Variants in KLHL5 observed in about 807,000 individuals in gnomAD.
The protein encoded by KLHL5 is kelch like family member 5, also known as kelch-like protein 5.
A neutral mutation model predicts 77.7 loss-of-function variants in KLHL5; 48 were observed. That is an observed-to-expected ratio of 0.62 (90% CI 0.49 to 0.79). The LOEUF (loss-of-function observed/expected upper bound fraction) is 0.79, where lower values mean the gene tolerates loss of function less well. Ranked by LOEUF, KLHL5 falls within the 30% of genes least tolerant of loss-of-function variation. The pLI is 0.00. For synonymous variants in KLHL5, 260 were observed against 297.0 expected (o/e 0.88, Z 1.28); for missense variants, 723 against 859.7 (o/e 0.84, Z 1.99).
At chr4:39,098,022 T>C (rs1721221626) in intron 6 of KLHL5, among the ~76,000 whole-genome samples, 1 of 149,546 alleles carries the variant, frequency 6.7e-6, no homozygotes. Flanking sequence ...TAGTCCCAGC[T>C]ACACGTGGGA....
chr4:39,101,397 GTAAT>G (rs1245918048), intron 6 of KLHL5, among the ~76,000 whole-genome samples: 1 of 151,786 alleles, frequency 6.6e-6, no homozygotes, highest in Non-Finnish European at 1.5e-5. Flanking sequence ...CAAATTTAGA[GTAAT>G]TAAATATACT....
At chr4:39,110,545 A>G (rs1214121964) in intron 8 of KLHL5, among the ~76,000 whole-genome samples, 2 of 151,940 alleles carry the variant, frequency 1.3e-5, no homozygotes, top group South Asian at 4.2e-4. Context: ...TGCAGCCTCA[A>G]CCTCCCTCCC....
chr4:39,066,429 G>C (rs1717898154), intron 1 of KLHL5, among the ~76,000 whole-genome samples: 1 of 152,140 alleles, frequency 6.6e-6, no homozygotes, highest in Non-Finnish European at 1.5e-5. Context: ...TATAAAGTTA[G>C]AGTTTAATAT....
At position 39,125,844 on chromosome 4, in the gene KLHL5, A is replaced by T. The variant is rs1321709018; in HGVS notation, c.*4778A>T. Among the ~76,000 whole-genome samples the T allele has an allele frequency of 6.6e-6, 1 of 152,202 alleles. No homozygotes were observed. Among genetic ancestry groups the T allele is most frequent in the African/African-American group, 2.4e-5 (1 of 41,434 alleles). ...TCACATACACTTTACCATAATTTTT[A>T]AAAAGCTTTATTAGCTACATTATGT... On this transcript the variant is annotated 3_prime_UTR_variant, in exon 11 of 11. Coordinates refer to ENST00000504108, the MANE Select transcript of KLHL5 (RefSeq NM_015990.5).
rs1721746777 is a variant in KLHL5, at chr4:39,103,205, A to G, written c.1301-82A>G. 8.3e-6 allele frequency: 8 copies of G among 966,480 alleles called. No individual in the cohort carries two copies. In the Admixed American group the frequency reaches 2.1e-4, roughly 25 times the overall value. The allele number at this position is 966,480 out of a possible 1,614,324, so 59.9% of individuals were successfully genotyped here. A position where few individuals can be genotyped will look rare whatever the true frequency, so the allele number is the denominator to read the frequency against. ...TATTATTCTCAATGCTAATAAGATT[A>G]TATTTTTGTATCTGTAATTTCATAA... On this transcript the variant is annotated intron_variant, in intron 6 of 10. Transcript: ENST00000504108.
chr4:39,113,007 A>G lies in KLHL5; in HGVS notation c.1689-13A>G, dbSNP rs748286549. 6 of 1,608,914 alleles carry G rather than the reference A, an allele frequency of 3.7e-6. No homozygotes were observed. In the South Asian group the frequency reaches 4.4e-5, roughly 12 times the overall value. ...ACATGTCTTATTTATCATTTCATAT[A>G]TTCTTTTTGCAGACTTTATGCAGTT... On this transcript the variant is annotated splice_polypyrimidine_tract_variant and intron_variant, in intron 8 of 10. Coordinates refer to ENST00000504108, the MANE Select transcript of KLHL5 (RefSeq NM_015990.5).
chr4:39,104,252 G>A (rs962309761), intron 7 of KLHL5, among the ~76,000 whole-genome samples: 1 of 152,060 alleles, frequency 6.6e-6, no homozygotes, highest in Non-Finnish European at 1.5e-5. Flanking sequence ...AGAGGGTTAA[G>A]GCAAAGACAC....
In KLHL5 at chr4:39,084,122, C is replaced by T. The variant is rs545448169; in HGVS notation, c.900+1963C>T. Among the ~76,000 whole-genome samples, 118 of 152,272 alleles carry T rather than the reference C, an allele frequency of 7.7e-4. 1 individual carries two copies. The highest frequency in any genetic ancestry group is 2.8e-3 in the African/African-American group (115 of 41,566). On this transcript the variant is annotated intron_variant, in intron 4 of 10. Coordinates refer to ENST00000504108, the MANE Select transcript of KLHL5 (RefSeq NM_015990.5). Reference sequence around the variant, plus strand: ...TTCCAAAGGGGGAAAGGTCACAATGCTAGCAAGCGTTTGGTAACATGATAG... The same window carrying T: ...TTCCAAAGGGGGAAAGGTCACAATGTTAGCAAGCGTTTGGTAACATGATAG...
Position 39,103,404 on chromosome 4 carries a change from T to C in KLHL5, c.1418T>C (p.Val473Ala), listed in dbSNP as rs1445273478. 6.2e-7 allele frequency: 1 copy of C among 1,614,046 alleles called. No homozygotes were observed. The highest frequency in any genetic ancestry group is 8.5e-7 in the Non-Finnish European group (1 of 1,179,984). Reference protein sequence around the residue: ...VAVLDDKLYVVGGRDGLKTLN... With the variant: ...VAVLDDKLYVAGGRDGLKTLN... ...GTGCTAGATGACAAACTGTATGTGG[T>C]TGGAGGAAGAGATGGACTGAAGACT... Residue 473 changes from valine to alanine, a missense_variant, in exon 7 of 11, where the codon GTT (valine) becomes GCT (alanine). This residue lies in a region of KLHL5 where 288 missense variants were observed against 400.3 expected (regional missense o/e 0.72). Coordinates refer to ENST00000504108, the MANE Select transcript of KLHL5 (RefSeq NM_015990.5).
At chr4:39,052,882 G>C (rs1716758933) in intron 1 of KLHL5, among the ~76,000 whole-genome samples, 1 of 152,198 alleles carries the variant, frequency 6.6e-6, no homozygotes, top group Non-Finnish European at 1.5e-5. Context: ...GGACTACTCT[G>C]AAGTGCCTCC....
chr4:39,062,158 A>G (rs1333032835), upstream of KLHL5: 1 of 749,516 alleles, frequency 1.3e-6, no homozygotes, highest in Non-Finnish European at 1.6e-6. Flanking sequence ...TTAAGTACAA[A>G]GGGAAATGCT....
chr4:39,066,919 AT>A (rs1032515448), intron 1 of KLHL5, among the ~76,000 whole-genome samples: 4 of 152,250 alleles, frequency 2.6e-5, no homozygotes, highest in Admixed American at 6.5e-5. Context: ...AAGAAACTTT[AT>A]TTTTTTAGAA....
intron 7 of KLHL5, among the ~76,000 whole-genome samples, chr4:39,107,022 G>A (rs550749652): frequency 1.3e-5 from 2 of 150,322 alleles, no homozygotes; most frequent in African/African-American, 2.4e-5. Context: ...TTGAGCCACC[G>A]TTCCCAGCCT....
intron 5 of KLHL5, among the ~76,000 whole-genome samples, chr4:39,089,774 T>G (rs1462308387): frequency 6.6e-6 from 1 of 152,190 alleles, no homozygotes; most frequent in South Asian, 2.1e-4. Context: ...CCACACCTAC[T>G]GAATATGAAA....
chr4:39,072,618 A>G (rs1718587489), intron 1 of KLHL5, among the ~76,000 whole-genome samples: 1 of 152,214 alleles, frequency 6.6e-6, no homozygotes, highest in Non-Finnish European at 1.5e-5. Context: ...TTAAATTAAA[A>G]TAGCCTCATG....
At chr4:39,137,411 A>G in the KLHL5 span, among the ~76,000 whole-genome samples, 12 of 151,942 alleles carry the variant, frequency 7.9e-5, no homozygotes, top group African/African-American at 2.7e-4. Context: ...ACTTGAGCCC[A>G]GGAGTTTGAG....
rs904689083 is a variant in KLHL5 at position 39,124,141 on chromosome 4, G to A, written c.*3075G>A. Among the ~76,000 whole-genome samples, 4 of 152,204 alleles carry A rather than the reference G, an allele frequency of 2.6e-5. No individual in the cohort carries two copies. Among genetic ancestry groups the A allele is most frequent in the East Asian group, 1.9e-4 (1 of 5,182 alleles). ...ACTTGGACACTGAAAAGTACAAAACGTTGCTGAAAGAAATTAAAGAAGACC... is the reference window on the plus strand; with the variant it reads ...ACTTGGACACTGAAAAGTACAAAACATTGCTGAAAGAAATTAAAGAAGACC... On this transcript the variant is annotated 3_prime_UTR_variant, in exon 11 of 11. Transcript: ENST00000504108.
chr4:39,058,371 A>G (rs1000336059), upstream of KLHL5, among the ~76,000 whole-genome samples: 10 of 152,170 alleles, frequency 6.6e-5, no homozygotes, highest in Admixed American at 6.5e-4. Flanking sequence ...CGTGGCTGTA[A>G]TCCTTGGACT....
intron 1 of KLHL5, among the ~76,000 whole-genome samples, chr4:39,048,381 A>G (rs1716360238): frequency 6.6e-6 from 1 of 152,230 alleles, no homozygotes; most frequent in Non-Finnish European, 1.5e-5. Context: ...AGAGCTGTTC[A>G]TTGCTTCACT....
Sources: allele counts gnomAD v4.1 joint callset (sites outside exome capture counted in the v4.1 genomes callset), GRCh38; gene constraint gnomAD v4.1.1; regional missense constraint gnomAD v4.1.1; transcripts MANE v1.5; gene names NCBI Gene and HGNC (gene_info 2026-07-23, HGNC 2026-07-21).